Variants in LRP1B observed in about 807,000 individuals in gnomAD.
LRP1B encodes LDL receptor related protein 1B, also known as low-density lipoprotein receptor-related protein 1B.
In LRP1B, 217 loss-of-function variants were observed where a neutral mutation model predicts 556.6. The observed-to-expected ratio is 0.39, with a 90% CI of 0.35 to 0.44. The LOEUF is 0.44. LRP1B is among the 20% of genes least tolerant of loss of function. The probability of loss-of-function intolerance (pLI) is 1.00; values close to 1 mark genes in which losing one functional copy is unlikely to be tolerated. For synonymous variants in LRP1B, 2,047 were observed against 1,865.8 expected, an observed-to-expected ratio of 1.10 and a Z score of -2.50; for missense variants, 5,053 against 5,620.8, an observed-to-expected ratio of 0.90 and a Z score of 3.23.
At chr2:141,334,182 C>T (rs528105008) in intron 3 of LRP1B, among the ~76,000 whole-genome samples, 2 of 152,254 alleles carry the variant, frequency 1.3e-5, no homozygotes, top group African/African-American at 4.8e-5. Context: ...TGTCCCTAGC[C>T]AAATCTCCTG....
chr2:140,329,731 C>G (rs577931203), intron 79 of LRP1B, among the ~76,000 whole-genome samples: 1 of 151,798 alleles, frequency 6.6e-6, no homozygotes. Flanking sequence ...AACCACTGCT[C>G]AAGGGAACCA....
Position 140,324,787 on chromosome 2 carries a change from T to C in LRP1B, c.12341-721A>G, listed in dbSNP as rs555822644. The stretch of plus-strand genomic sequence containing the variant: ...AAGTGTCTTTATATTCATATATTTT[T>C]CTTTGCTGTTTCATGAAATAGTAAA... On this transcript the variant is annotated intron_variant, in intron 80 of 90. Transcript: ENST00000389484. Among the ~76,000 whole-genome samples, 45 of 152,016 alleles carry C rather than the reference T, an allele frequency of 3.0e-4. 1 individual carries two copies. The highest frequency in any genetic ancestry group is 6.6e-4 in the Admixed American group (10 of 15,244).
intron 33 of LRP1B, among the ~76,000 whole-genome samples, chr2:140,775,151 ACAGG>A (rs1689448190): frequency 6.6e-6 from 1 of 152,046 alleles, no homozygotes; most frequent in African/African-American, 2.4e-5. Flanking sequence ...CAATCCCTGT[ACAGG>A]GAAGGCAAAT....
intron 20 of LRP1B, among the ~76,000 whole-genome samples, chr2:140,927,938 G>A: frequency 6.6e-6 from 1 of 151,590 alleles, no homozygotes; most frequent in South Asian, 2.1e-4. Context: ...TAGAGGCGAG[G>A]TTTCACCATG....
intron 32 of LRP1B, among the ~76,000 whole-genome samples, chr2:140,784,411 C>CACACACACAT (rs1553533155): frequency 4.0e-5 from 6 of 149,984 alleles, no homozygotes; most frequent in Non-Finnish European, 7.4e-5. Context: ...CACACACACA[C>CACACACACAT]ACACACACAC....
intron 79 of LRP1B, among the ~76,000 whole-genome samples, chr2:140,331,790 G>A (rs571321452): frequency 6.6e-6 from 1 of 151,442 alleles, no homozygotes; most frequent in African/African-American, 2.4e-5. Flanking sequence ...CCGCCTCCTG[G>A]GTTCAAGCAA....
intron 3 of LRP1B, among the ~76,000 whole-genome samples, chr2:141,428,734 C>G (rs1354352761): frequency 6.6e-6 from 1 of 152,196 alleles, no homozygotes; most frequent in East Asian, 1.9e-4. Flanking sequence ...ATCTGACCTT[C>G]TCTCATGGTG....
intron 3 of LRP1B, among the ~76,000 whole-genome samples, chr2:141,271,771 GA>G (rs11326474): frequency 0.29 from 40,314 of 137,944 alleles, 5,874 homozygotes; most frequent in Middle Eastern, 0.46. Flanking sequence ...GAAACCATAT[GA>G]AAAAAAAAAA....
At chr2:141,965,655 G>T (rs1260010220) in intron 1 of LRP1B, among the ~76,000 whole-genome samples, 1 of 135,428 alleles carries the variant, frequency 7.4e-6, no homozygotes, top group South Asian at 2.5e-4. Context: ...TAGATGACGA[G>T]TTAGTGGGTG....
At chr2:141,596,885 G>T (rs6708984) in intron 2 of LRP1B, among the ~76,000 whole-genome samples, 8 of 151,894 alleles carry the variant, frequency 5.3e-5, no homozygotes, top group Non-Finnish European at 8.8e-5. Context: ...ATGAATCCTA[G>T]GTAAAGGGGA....
intron 66 of LRP1B, among the ~76,000 whole-genome samples, chr2:140,440,537 A>C (rs2105298059): frequency 6.6e-6 from 1 of 152,334 alleles, no homozygotes; most frequent in African/African-American, 2.4e-5. Context: ...TAAAATAATT[A>C]GCATAAATAT....
At chr2:141,099,760 G>C (rs746479470) in intron 7 of LRP1B, among the ~76,000 whole-genome samples, 1 of 152,120 alleles carries the variant, frequency 6.6e-6, no homozygotes, top group Non-Finnish European at 1.5e-5. Flanking sequence ...TAGTAAAAGA[G>C]GGCTGTCAAC....
At chr2:140,250,103 T>C (rs1393407320) in intron 86 of LRP1B, among the ~76,000 whole-genome samples, 1 of 151,860 alleles carries the variant, frequency 6.6e-6, no homozygotes, top group Non-Finnish European at 1.5e-5. Context: ...GGGACAATTA[T>C]CTTCAAGTTA....
At chr2:140,629,292 T>G (rs952189928) in intron 41 of LRP1B, among the ~76,000 whole-genome samples, 1 of 151,484 alleles carries the variant, frequency 6.6e-6, no homozygotes, top group East Asian at 1.9e-4. Flanking sequence ...GGTCTCAAAC[T>G]CCTGGCCTGT....
chr2:140,559,926 A>C (rs1445016094), intron 43 of LRP1B, among the ~76,000 whole-genome samples: 1 of 152,174 alleles, frequency 6.6e-6, no homozygotes, highest in Non-Finnish European at 1.5e-5. Flanking sequence ...TGCTAAAATT[A>C]GTGGGCTAAG....
At chr2:141,885,393 A>G (rs914872796) in intron 1 of LRP1B, among the ~76,000 whole-genome samples, 4 of 152,228 alleles carry the variant, frequency 2.6e-5, no homozygotes, top group African/African-American at 9.6e-5. Context: ...GAGTACGTAC[A>G]TGATACAAAG....
chr2:140,739,548 T>A (rs1559087769), intron 35 of LRP1B, among the ~76,000 whole-genome samples: 2 of 152,120 alleles, frequency 1.3e-5, no homozygotes, highest in Non-Finnish European at 2.9e-5. Context: ...GTACATGAGA[T>A]TAAACTTAAA....
intron 36 of LRP1B, 112 bp downstream of exon 36, chr2:140,716,570 T>C: frequency 9.2e-7 from 1 of 1,084,082 alleles, no homozygotes; most frequent in Non-Finnish European, 1.3e-6. Flanking sequence ...CCCCTGTGGC[T>C]AGAAGTACAA....
intron 1 of LRP1B, among the ~76,000 whole-genome samples, chr2:141,841,085 C>G (rs1196597783): frequency 6.6e-6 from 1 of 152,138 alleles, no homozygotes; most frequent in Non-Finnish European, 1.5e-5. Context: ...GCAATTGAAT[C>G]TGGGTTAATG....
Sources: gnomAD v4.1 joint callset for allele counts (sites outside exome capture counted in the v4.1 genomes callset) on GRCh38, gnomAD v4.1.1 for gene constraint, MANE v1.5 for transcripts, NCBI Gene and HGNC (gene_info 2026-07-23, HGNC 2026-07-21) for gene names.